Variants in GALNT13 observed in about 807,000 individuals in gnomAD.
The protein encoded by GALNT13 is UDP-GalNAc:polypeptide N-acetylgalactosaminyltransferase 13.
GALNT13 carries 28 observed loss-of-function variants against 64.2 expected under a neutral mutation model. The ratio of observed to expected loss-of-function variants is 0.44; its 90% CI spans 0.32 to 0.60. The LOEUF is 0.60. GALNT13 is among the 20% of genes least tolerant of loss of function. The pLI, the probability that GALNT13 is intolerant of heterozygous loss-of-function variation, is 0.05. For missense variants in GALNT13, 577 were observed against 669.8 expected (o/e 0.86, Z 1.53); for synonymous variants, 214 against 224.6 (o/e 0.95, Z 0.42).
At chr2:153,919,573 G>A (rs1425528626) in intron 2 of GALNT13, among the ~76,000 whole-genome samples, 1 of 151,882 alleles carries the variant, frequency 6.6e-6, no homozygotes, top group Non-Finnish European at 1.5e-5. Flanking sequence ...CGTGAGGCAA[G>A]GTGTCTCAAG....
At chr2:153,838,897 A>G in the GALNT13 span, among the ~76,000 whole-genome samples, 1 of 151,862 alleles carries the variant, frequency 6.6e-6, no homozygotes, top group Non-Finnish European at 1.5e-5. Flanking sequence ...AACAATATTA[A>G]TTATTCTAAT....
the GALNT13 span, among the ~76,000 whole-genome samples, chr2:153,840,722 T>G: frequency 6.6e-6 from 1 of 151,910 alleles, no homozygotes; most frequent in African/African-American, 2.4e-5. Flanking sequence ...GAAAATACAA[T>G]AAAAAATAGA....
At chr2:154,175,190 A>G (rs1685578725) in intron 4 of GALNT13, among the ~76,000 whole-genome samples, 1 of 152,132 alleles carries the variant, frequency 6.6e-6, no homozygotes, top group Admixed American at 6.6e-5. Context: ...TAGGAACTTA[A>G]CTCATAATTG....
At chr2:153,924,233 C>T (rs940892812) in intron 2 of GALNT13, among the ~76,000 whole-genome samples, 1 of 147,680 alleles carries the variant, frequency 6.8e-6, no homozygotes, top group Admixed American at 6.8e-5. Flanking sequence ...TCAGATAGTC[C>T]CTGGTGTATC....
chr2:154,191,872 T>G (rs1411805462), intron 4 of GALNT13, among the ~76,000 whole-genome samples: 1 of 152,138 alleles, frequency 6.6e-6, no homozygotes, highest in Non-Finnish European at 1.5e-5. Flanking sequence ...GCTGTGTTTA[T>G]CAGCTCAGTT....
the GALNT13 span, among the ~76,000 whole-genome samples, chr2:153,157,624 A>G: frequency 3.3e-5 from 5 of 152,220 alleles, no homozygotes; most frequent in African/African-American, 1.2e-4. Context: ...CTGGATTGTG[A>G]TTAACCTGAT....
At chr2:154,388,458 A>G (rs528897385) in intron 9 of GALNT13, among the ~76,000 whole-genome samples, 1 of 151,736 alleles carries the variant, frequency 6.6e-6, no homozygotes, top group Non-Finnish European at 1.5e-5. Flanking sequence ...AAATCAAACA[A>G]TTTTTGTCCA....
chr2:153,259,237 A>T, the GALNT13 span, among the ~76,000 whole-genome samples: 12 of 152,126 alleles, frequency 7.9e-5, no homozygotes, highest in Non-Finnish European at 1.3e-4. Flanking sequence ...AAATAAGTAT[A>T]GCTTCTCTGG....
intron 3 of GALNT13, among the ~76,000 whole-genome samples, chr2:154,113,822 T>C (rs1703123546): frequency 2.0e-5 from 3 of 152,360 alleles, no homozygotes; most frequent in Middle Eastern, 3.4e-3. Context: ...TAAAGGTGCA[T>C]TGCTGGCCTT....
chr2:154,026,668 A>T (rs940374111), intron 3 of GALNT13, among the ~76,000 whole-genome samples: 1 of 152,170 alleles, frequency 6.6e-6, no homozygotes, highest in African/African-American at 2.4e-5. Context: ...ATAAGGTAAC[A>T]GTCCTGTTGG....
At chr2:154,152,362 C>T (rs1456685995) in intron 4 of GALNT13, among the ~76,000 whole-genome samples, 2 of 152,052 alleles carry the variant, frequency 1.3e-5, no homozygotes, top group Non-Finnish European at 2.9e-5. Flanking sequence ...CTGCCCTTAA[C>T]ATTTTTTCCT....
intron 3 of GALNT13, among the ~76,000 whole-genome samples, chr2:154,005,521 A>G (rs935054069): frequency 2.0e-5 from 3 of 152,162 alleles, no homozygotes; most frequent in Non-Finnish European, 4.4e-5. Flanking sequence ...GCCCCAAACC[A>G]TAATGTGGAA....
chr2:154,130,367 C>T (rs1449324972), intron 3 of GALNT13, among the ~76,000 whole-genome samples: 1 of 152,068 alleles, frequency 6.6e-6, no homozygotes, highest in Non-Finnish European at 1.5e-5. Context: ...GCAGTCAGGC[C>T]TGTGGAGCCA....
rs573581183 is a variant in GALNT13 at position 154,438,730 on chromosome 2, T to C, written c.1530+4T>C. 7.5e-6 allele frequency: 12 copies of C among 1,590,922 alleles called. No individual in the cohort carries two copies. The highest frequency in any genetic ancestry group is 1.0e-5 in the Non-Finnish European group (12 of 1,167,088). ...GTTATGGGAATATGATGCTGAGGTATAGTATTTTCTTAATTTACTTATTAT... is the reference window on the plus strand; with the variant it reads ...GTTATGGGAATATGATGCTGAGGTACAGTATTTTCTTAATTTACTTATTAT... On this transcript the variant is annotated splice_donor_region_variant and intron_variant, in intron 12 of 12. Coordinates refer to ENST00000392825, the MANE Select transcript of GALNT13 (RefSeq NM_052917.4).
At chr2:154,169,339 A>C (rs1685224781) in intron 4 of GALNT13, among the ~76,000 whole-genome samples, 1 of 152,158 alleles carries the variant, frequency 6.6e-6, no homozygotes, top group Admixed American at 6.5e-5. Flanking sequence ...ATAGGCTCTG[A>C]GGTATAAGTA....
chr2:154,447,252 A>T (rs1222495912), intron 12 of GALNT13, among the ~76,000 whole-genome samples: 1 of 151,470 alleles, frequency 6.6e-6, no homozygotes, highest in East Asian at 1.9e-4. Flanking sequence ...GTATCTTATT[A>T]TTTTAATTAA....
chr2:153,951,526 G>C (rs1692181976), intron 3 of GALNT13, among the ~76,000 whole-genome samples: 1 of 152,118 alleles, frequency 6.6e-6, no homozygotes, highest in African/African-American at 2.4e-5. Context: ...AAGAGAGCTG[G>C]ATTGCTTGCT....
chr2:154,401,520 G>T (rs2194377), intron 10 of GALNT13, among the ~76,000 whole-genome samples: 7,207 of 152,148 alleles, frequency 0.047, 228 homozygotes, highest in Middle Eastern at 0.078. Context: ...ACCCTTTATT[G>T]GATGGCTACC....
chr2:153,504,728 T>C, the GALNT13 span, among the ~76,000 whole-genome samples: 1 of 152,368 alleles, frequency 6.6e-6, no homozygotes. Context: ...ATCCCTGGTA[T>C]GAAACCCACT....
Sources: allele counts gnomAD v4.1 joint callset (sites outside exome capture counted in the v4.1 genomes callset), GRCh38; gene constraint gnomAD v4.1.1; transcripts MANE v1.5; gene names NCBI Gene and HGNC (gene_info 2026-07-23, HGNC 2026-07-21).